Variants in C4orf51 observed in about 807,000 individuals in gnomAD.
C4orf51 encodes the protein chromosome 4 open reading frame 51.
Under a neutral mutation model 25.2 loss-of-function variants are expected in C4orf51, and 25 were observed. The ratio of observed to expected loss-of-function variants is 0.99; its 90% CI spans 0.72 to 1.39. The LOEUF is 1.39. C4orf51 is among the 40% of genes most tolerant of loss of function. C4orf51 has a pLI of 0.00. For missense variants in C4orf51, 252 were observed against 239.6 expected (o/e 1.05, Z -0.34); for synonymous variants, 100 against 84.5 (o/e 1.18, Z -1.01).
chr4:145,734,360 G>T (rs1732680289), downstream of C4orf51, among the ~76,000 whole-genome samples: 1 of 151,492 alleles, frequency 6.6e-6, no homozygotes, highest in Admixed American at 6.6e-5. Flanking sequence ...AAGTGGAGGG[G>T]CTTCGGGAAG....
chr4:145,723,873 C>T (rs1266864091), intron 2 of C4orf51, among the ~76,000 whole-genome samples: 1 of 152,190 alleles, frequency 6.6e-6, no homozygotes, highest in East Asian at 1.9e-4. Context: ...AAAGAAAAGT[C>T]ATTAGCTAAC....
intron 1 of C4orf51, among the ~76,000 whole-genome samples, chr4:145,687,481 CA>C (rs796339125): frequency 1.4e-4 from 21 of 152,298 alleles, no homozygotes; most frequent in African/African-American, 5.1e-4. Context: ...AGACATGTCT[CA>C]AATTTTCAGG....
At chr4:145,748,491 G>C (rs1733499345) in intron 1 of C4orf51, among the ~76,000 whole-genome samples, 1 of 151,878 alleles carries the variant, frequency 6.6e-6, no homozygotes, top group Non-Finnish European at 1.5e-5. Flanking sequence ...TTATTTACTT[G>C]AAGTTTTTCT....
At chr4:145,760,963 C>A in intron 1 of C4orf51, 1 of 1,238,444 alleles carries the variant, frequency 8.1e-7, no homozygotes, top group Non-Finnish European at 1.0e-6. Flanking sequence ...CTTGTCAAAG[C>A]GCAAAGGGGA....
chr4:145,780,928 G>T, the C4orf51 span, among the ~76,000 whole-genome samples: 15 of 152,200 alleles, frequency 9.9e-5, no homozygotes, highest in Non-Finnish European at 2.1e-4. Flanking sequence ...TGGGTGCAGT[G>T]GCTCAAGCCT....
In C4orf51 at chr4:145,739,386, A is replaced by C. The variant is rs563165217; in HGVS notation, n.167+6767A>C. ...CTCCAGACTGAGGAATTCATCCCAT[A>C]GATTGTCTTGGTCCACCCATAGAAG... On this transcript the variant is annotated intron_variant and non_coding_transcript_variant, in intron 1 of 1. Transcript: ENST00000508981. Among the ~76,000 whole-genome samples, 4 of 152,342 alleles carry C rather than the reference A, an allele frequency of 2.6e-5. No homozygotes were observed. In the East Asian group the frequency reaches 7.7e-4, roughly 29 times the overall value.
chr4:145,755,184 G>A (rs1274474353), downstream of C4orf51, among the ~76,000 whole-genome samples: 1 of 152,102 alleles, frequency 6.6e-6, no homozygotes, highest in Non-Finnish European at 1.5e-5. Context: ...AGTGGGAAGG[G>A]GCCTTAGAGA....
At chr4:145,689,565 C>T (rs1578921822) in intron 1 of C4orf51, among the ~76,000 whole-genome samples, 1 of 152,078 alleles carries the variant, frequency 6.6e-6, no homozygotes, top group Non-Finnish European at 1.5e-5. Flanking sequence ...CAAAGGTGCT[C>T]AACCACGTTA....
At chr4:145,747,447 A>G (rs1406435663) in intron 1 of C4orf51, among the ~76,000 whole-genome samples, 1 of 151,844 alleles carries the variant, frequency 6.6e-6, no homozygotes, top group African/African-American at 2.4e-5. Flanking sequence ...TTCCGCATTA[A>G]TCAAAATGAT....
intron 2 of C4orf51, among the ~76,000 whole-genome samples, chr4:145,710,860 G>C (rs957585588): frequency 6.6e-6 from 1 of 152,096 alleles, no homozygotes; most frequent in Non-Finnish European, 1.5e-5. Flanking sequence ...TACCTACTGT[G>C]ACAGTTTGAT....
chr4:145,694,713 G>A (rs192005421), intron 1 of C4orf51, among the ~76,000 whole-genome samples: 4 of 148,446 alleles, frequency 2.7e-5, no homozygotes, highest in Non-Finnish European at 3.0e-5. Flanking sequence ...CTGCCCGGCC[G>A]CCCCTACTGG....
chr4:145,692,952 A>ATTTTTTTTT (rs1729685854), intron 1 of C4orf51, among the ~76,000 whole-genome samples: 2 of 25,750 alleles, frequency 7.8e-5, no homozygotes, highest in Admixed American at 4.8e-4. Flanking sequence ...TTAAGTTTTT[A>ATTTTTTTTT]GTTTTTTTTT....
chr4:145,791,020 G>C, the C4orf51 span, among the ~76,000 whole-genome samples: 1 of 152,170 alleles, frequency 6.6e-6, no homozygotes, highest in African/African-American at 2.4e-5. Context: ...GTTTCTGTTT[G>C]TTGGTTTATG....
downstream of C4orf51, among the ~76,000 whole-genome samples, chr4:145,756,095 G>A (rs1369852771): frequency 6.6e-6 from 1 of 152,200 alleles, no homozygotes; most frequent in Non-Finnish European, 1.5e-5. Flanking sequence ...TTGTTCACAA[G>A]CCCCACATGA....
In C4orf51 at chr4:145,765,049, T is replaced by G; in HGVS notation, n.167-5939T>G. The G allele has an allele frequency of 6.2e-7, 1 of 1,614,228 alleles. No homozygotes were observed. The highest frequency in any genetic ancestry group is 8.5e-7 in the Non-Finnish European group (1 of 1,180,044). On this transcript the variant is annotated intron_variant and non_coding_transcript_variant, in intron 1 of 1. Coordinates refer to the C4orf51 transcript ENST00000510096. This position sits in a 1 kb window ranked among gnomAD's most constrained non-coding sequence, Gnocchi z 4.7. ...TGCTCCAGCAGCTGTTCGGGGGTCT[T>G]CATGAACTTGTGGCACACATCACAC...
intron 1 of C4orf51, among the ~76,000 whole-genome samples, chr4:145,694,033 G>T (rs1220002446): frequency 7.4e-6 from 1 of 135,164 alleles, no homozygotes; most frequent in Non-Finnish European, 1.6e-5. Context: ...CAGACGGGGC[G>T]GCCGGGCAGA....
At chr4:145,759,879 C>T (rs1048681027) in intron 1 of C4orf51, 1 of 152,066 alleles carries the variant, frequency 6.6e-6, no homozygotes, top group Admixed American at 6.5e-5. Context: ...AAATGGTAAC[C>T]ACTGAATTAA....
intron 1 of C4orf51, among the ~76,000 whole-genome samples, chr4:145,764,527 C>T (rs1227218542): frequency 6.6e-6 from 1 of 152,120 alleles, no homozygotes; most frequent in Non-Finnish European, 1.5e-5. Context: ...ATGTTGCTTC[C>T]TGCCTGTTCA....
intron 5 of C4orf51, among the ~76,000 whole-genome samples, 158 bp downstream of exon 5, chr4:145,730,123 C>G (rs1054934492): frequency 2.0e-5 from 3 of 152,152 alleles, no homozygotes; most frequent in Admixed American, 6.5e-5. Context: ...AAAAGCGGAG[C>G]TGTTCTGATA....
Sources: gnomAD v4.1 joint callset for allele counts (sites outside exome capture counted in the v4.1 genomes callset) on GRCh38, gnomAD v4.1.1 for gene constraint, Gnocchi (gnomAD v3.1) non-coding constraint, MANE v1.5 for transcripts, NCBI Gene and HGNC (gene_info 2026-07-23, HGNC 2026-07-21) for gene names.